The following DPP10 variants were observed in gnomAD, a reference collection of about 807,000 sequenced individuals.
DPP10 encodes dipeptidyl peptidase like 10, also known as inactive dipeptidyl peptidase 10.
DPP10 carries 33 observed loss-of-function variants against 120.9 expected under a neutral mutation model. That is an observed-to-expected ratio of 0.27 (90% CI 0.21 to 0.37). The LOEUF (loss-of-function observed/expected upper bound fraction) is 0.37. Among genes scored for constraint, DPP10 ranks in the 10% least tolerant of loss-of-function variants. The pLI, the probability that DPP10 is intolerant of heterozygous loss-of-function variation, is 1.00. For missense variants in DPP10, 816 were observed against 942.8 expected (o/e 0.87, Z 1.76); for synonymous variants, 337 against 326.1 (o/e 1.03, Z -0.36).
chr2:115,646,880 T>A (rs1035437021), intron 5 of DPP10, among the ~76,000 whole-genome samples: 2 of 152,180 alleles, frequency 1.3e-5, no homozygotes, highest in Non-Finnish European at 2.9e-5. Context: ...ATTTTTTTCT[T>A]CTTTGCCCCT....
At chr2:114,851,517 C>T (rs1336578648) in intron 1 of DPP10, among the ~76,000 whole-genome samples, 1 of 151,998 alleles carries the variant, frequency 6.6e-6, no homozygotes, top group African/African-American at 2.4e-5. Flanking sequence ...CAAAATATAC[C>T]CCAGGCACTG....
At chr2:114,856,763 T>G (rs1227825280) in intron 1 of DPP10, among the ~76,000 whole-genome samples, 2 of 152,190 alleles carry the variant, frequency 1.3e-5, no homozygotes, top group Non-Finnish European at 2.9e-5. Flanking sequence ...TGCTTCTGTT[T>G]TTTATCTTAG....
chr2:115,781,363 T>C (rs1394289501), intron 16 of DPP10, among the ~76,000 whole-genome samples: 2 of 151,900 alleles, frequency 1.3e-5, no homozygotes, highest in Admixed American at 6.6e-5. Context: ...ATGCTTTGGT[T>C]GTTAAGAGAT....
At chr2:115,708,450 G>C (rs2092208047) in intron 7 of DPP10, among the ~76,000 whole-genome samples, 2 of 151,952 alleles carry the variant, frequency 1.3e-5, no homozygotes, top group South Asian at 4.1e-4. Context: ...TTACAAATTG[G>C]TACTCAACTC....
intron 8 of DPP10, among the ~76,000 whole-genome samples, chr2:115,738,986 A>G (rs939046540): frequency 6.6e-6 from 1 of 152,118 alleles, no homozygotes; most frequent in Non-Finnish European, 1.5e-5. Context: ...AGTTGTTAGC[A>G]CTCCTATGAC....
intron 1 of DPP10, among the ~76,000 whole-genome samples, chr2:114,785,238 A>G (rs1295213886): frequency 6.9e-6 from 1 of 145,602 alleles, no homozygotes; most frequent in Non-Finnish European, 1.5e-5. Context: ...AGAATAGGGC[A>G]TGCTTTGCTG....
intron 3 of DPP10, among the ~76,000 whole-genome samples, chr2:115,447,328 G>A (rs775863450): frequency 7.2e-5 from 11 of 152,138 alleles, no homozygotes; most frequent in Admixed American, 1.3e-4. Context: ...GCTCATAGGC[G>A]GAAGGGACTT....
At chr2:114,977,193 G>A (rs988394447) in intron 1 of DPP10, among the ~76,000 whole-genome samples, 1 of 151,888 alleles carries the variant, frequency 6.6e-6, no homozygotes, top group Non-Finnish European at 1.5e-5. Context: ...TTGTGCAATT[G>A]TCTCTGTTGT....
At chr2:115,775,406 A>T (rs1039379380) in intron 13 of DPP10, among the ~76,000 whole-genome samples, 2 of 152,040 alleles carry the variant, frequency 1.3e-5, no homozygotes, top group African/African-American at 4.8e-5. Flanking sequence ...TACAGATTTT[A>T]AAAATATTAA....
At chr2:114,709,886 G>A (rs1408430616) in intron 1 of DPP10, among the ~76,000 whole-genome samples, 1 of 152,178 alleles carries the variant, frequency 6.6e-6, no homozygotes, top group Admixed American at 6.5e-5. Context: ...AGAGCTTTAA[G>A]GGGAAATTGA....
intron 1 of DPP10, among the ~76,000 whole-genome samples, chr2:114,993,578 G>A (rs868868804): frequency 0.011 from 987 of 89,078 alleles, 15 homozygotes; most frequent in African/African-American, 0.028. Flanking sequence ...GTGTGTGTGT[G>A]TGTATATATA....
intron 1 of DPP10, among the ~76,000 whole-genome samples, chr2:115,036,023 A>G (rs1020048141): frequency 6.6e-6 from 1 of 152,236 alleles, no homozygotes; most frequent in Non-Finnish European, 1.5e-5. Context: ...TGCTATAAAG[A>G]AATACCTGAG....
intron 1 of DPP10, among the ~76,000 whole-genome samples, chr2:114,822,310 T>C (rs1000666594): frequency 1.2e-4 from 19 of 152,292 alleles, no homozygotes; most frequent in African/African-American, 4.3e-4. Flanking sequence ...ATCTGTACCT[T>C]GGCCCCTTTT....
At chr2:114,790,723 A>G (rs1309510689) in intron 1 of DPP10, among the ~76,000 whole-genome samples, 1 of 152,190 alleles carries the variant, frequency 6.6e-6, no homozygotes, top group Non-Finnish European at 1.5e-5. Flanking sequence ...TGAGCCAGGA[A>G]AAGAACTTTC....
chr2:115,726,664 A>G (rs1391671707), intron 7 of DPP10, among the ~76,000 whole-genome samples: 2 of 152,150 alleles, frequency 1.3e-5, no homozygotes, highest in African/African-American at 4.8e-5. Flanking sequence ...CGGTGGAATT[A>G]ATAATTAAAT....
At chr2:114,870,061 T>C (rs1408686998) in intron 1 of DPP10, among the ~76,000 whole-genome samples, 1 of 152,226 alleles carries the variant, frequency 6.6e-6, no homozygotes, top group Non-Finnish European at 1.5e-5. Context: ...ATCTTATCTC[T>C]ATTTGATAGT....
chr2:114,975,321 G>C (rs1699682965), intron 1 of DPP10, among the ~76,000 whole-genome samples: 1 of 152,134 alleles, frequency 6.6e-6, no homozygotes. Flanking sequence ...TGGGATTACA[G>C]GCGTGAGCCA....
intron 21 of DPP10, among the ~76,000 whole-genome samples, chr2:115,817,243 TC>T (rs149509473): frequency 0.41 from 62,123 of 151,522 alleles, 15,069 homozygotes; most frequent in East Asian, 0.67. Context: ...CGAGACTCCG[TC>T]TCAAAATAAA....
intron 3 of DPP10, among the ~76,000 whole-genome samples, chr2:115,409,702 A>T (rs1490182298): frequency 6.6e-6 from 1 of 152,252 alleles, no homozygotes; most frequent in Non-Finnish European, 1.5e-5. Flanking sequence ...TGAAAAACAC[A>T]CATGCATGCA....
Sources: gnomAD v4.1 joint callset for allele counts (sites outside exome capture counted in the v4.1 genomes callset) on GRCh38, gnomAD v4.1.1 for gene constraint, MANE v1.5 for transcripts, NCBI Gene and HGNC (gene_info 2026-07-23, HGNC 2026-07-21) for gene names.